Variants in TIAM1 observed in about 807,000 individuals in gnomAD.
The protein encoded by TIAM1 is rho guanine nucleotide exchange factor TIAM1.
A neutral mutation model predicts 163.5 loss-of-function variants in TIAM1; 65 were observed. The ratio of observed to expected loss-of-function variants is 0.40; its 90% CI spans 0.33 to 0.49. TIAM1 has a LOEUF of 0.49. Among genes scored for constraint, TIAM1 ranks in the 20% least tolerant of loss-of-function variants. The probability of loss-of-function intolerance (pLI) is 0.77; values close to 1 mark genes in which losing one functional copy is unlikely to be tolerated. For missense variants in TIAM1, 1,789 were observed against 2,044.7 expected, an observed-to-expected ratio of 0.87 and a Z score of 2.41; for synonymous variants, 833 against 810.1, an observed-to-expected ratio of 1.03 and a Z score of -0.48.
rs2087744164 is a variant in TIAM1 at position 31,223,430 on chromosome 21, A to G, written c.1971T>C (p.Phe657=). The part of the protein sequence containing the change: ...TKVAMGRLGI[F]SVSSFHALVA... ...CCAGGGCATGAAACGATGATACCGAAAAGATTCCAAGGCGGCCCATGGCCA... is the reference window on the plus strand; with the variant it reads ...CCAGGGCATGAAACGATGATACCGAGAAGATTCCAAGGCGGCCCATGGCCA... Residue 657 remains phenylalanine, a synonymous_variant, in exon 8 of 28, where the codon TTT becomes TTC. Coordinates refer to ENST00000541036, the MANE Select transcript of TIAM1 (RefSeq NM_001353694.2). 1 of 1,613,150 alleles carries G rather than the reference A, an allele frequency of 6.2e-7. No individual in the cohort carries two copies. Among genetic ancestry groups the G allele is most frequent in the South Asian group, 1.1e-5 (1 of 90,926 alleles).
At chr21:31,529,747 A>C (rs955367668) in intron 1 of TIAM1, among the ~76,000 whole-genome samples, 4 of 150,718 alleles carry the variant, frequency 2.7e-5, no homozygotes, top group Middle Eastern at 3.2e-3. Flanking sequence ...ATAAACTTAA[A>C]GTCCATGAAC....
At chr21:31,363,220 C>G (rs2076436653) in intron 2 of TIAM1, among the ~76,000 whole-genome samples, 1 of 152,122 alleles carries the variant, frequency 6.6e-6, no homozygotes, top group South Asian at 2.1e-4. Flanking sequence ...CTGAGAAGAA[C>G]TAATCTGATC....
intron 6 of TIAM1, among the ~76,000 whole-genome samples, chr21:31,230,015 C>T (rs960965442): frequency 4.6e-5 from 7 of 152,126 alleles, no homozygotes; most frequent in South Asian, 2.1e-4. Context: ...CAGAGGCGCA[C>T]GCAGCACTAA....
At chr21:31,124,434 C>A in intron 27 of TIAM1, 88 bp downstream of exon 27, 1 of 1,559,014 alleles carries the variant, frequency 6.4e-7, no homozygotes, top group African/African-American at 1.4e-5. Flanking sequence ...CACACCTCAC[C>A]CCCACTCAAC....
chr21:31,445,833 G>C (rs546192465), intron 2 of TIAM1, among the ~76,000 whole-genome samples: 21 of 152,326 alleles, frequency 1.4e-4, no homozygotes, highest in African/African-American at 4.8e-4. Flanking sequence ...CGCTAAAGGA[G>C]AGATTGGGGT....
chr21:31,439,248 A>G (rs949845314), intron 2 of TIAM1, among the ~76,000 whole-genome samples: 1 of 152,180 alleles, frequency 6.6e-6, no homozygotes, highest in African/African-American at 2.4e-5. Context: ...TTGAACCCAC[A>G]GAAGAATAAC....
At chr21:31,441,592 A>G (rs2044419830) in intron 2 of TIAM1, among the ~76,000 whole-genome samples, 1 of 152,180 alleles carries the variant, frequency 6.6e-6, no homozygotes, top group Non-Finnish European at 1.5e-5. Context: ...TGTGGACAAG[A>G]AATAACCTTT....
chr21:31,398,610 C>T (rs2077113189), intron 2 of TIAM1, among the ~76,000 whole-genome samples: 1 of 152,268 alleles, frequency 6.6e-6, no homozygotes, highest in South Asian at 2.1e-4. Flanking sequence ...TTGCCATCCT[C>T]ATAGCACAGT....
At chr21:31,183,566 C>G (rs2085134976) in intron 14 of TIAM1, among the ~76,000 whole-genome samples, 1 of 152,160 alleles carries the variant, frequency 6.6e-6, no homozygotes, top group South Asian at 2.1e-4. Context: ...GAACGAGAAG[C>G]CTCCCAGGCC....
In TIAM1 at chr21:31,141,166, C is replaced by A. The variant is rs756761259; in HGVS notation, c.3726G>T (p.Gly1242=). The A allele has an allele frequency of 1.2e-6, 2 of 1,614,086 alleles. No individual in the cohort carries two copies. The highest frequency in any genetic ancestry group is 1.3e-5 in the African/African-American group (1 of 74,932). The change falls in exon 22 of 28, where the codon GGG becomes GGT. Residue 1242 remains glycine (G), a synonymous_variant. Coordinates refer to ENST00000541036, the MANE Select transcript of TIAM1 (RefSeq NM_001353694.2). The surrounding 1 kb of genome is among the most constrained non-coding windows in gnomAD (Gnocchi z 4.7). ...CAGCAATCAGCTGGTCAAACACAGC[C>A]CCAAACTCTTCATGGATTTTCTGCA... ...NEMQKIHEEF[G]AVFDQLIAEQ...
intron 2 of TIAM1, among the ~76,000 whole-genome samples, chr21:31,303,793 C>A (rs2074591417): frequency 6.6e-6 from 1 of 151,954 alleles, no homozygotes; most frequent in Non-Finnish European, 1.5e-5. Context: ...GCCTAGCCAA[C>A]ATAGTGAAAC....
chr21:31,327,450 G>A (rs2075526763), intron 2 of TIAM1, among the ~76,000 whole-genome samples: 1 of 151,780 alleles, frequency 6.6e-6, no homozygotes, highest in Non-Finnish European at 1.5e-5. Context: ...GACCAATCTG[G>A]CCAACATAGC....
Position 31,245,371 on chromosome 21 carries a change from C to CT in TIAM1, c.1584+116dup, listed in dbSNP as rs200088492. Reference sequence around the variant, plus strand: ...AATGAGCAACAGATTAATCTCACCACTAAAAAAAAAAAAAAAAAAAAAAAA... The same window carrying CT: ...AATGAGCAACAGATTAATCTCACCACTTAAAAAAAAAAAAAAAAAAAAAAAA... On this transcript the variant is annotated intron_variant, in intron 6 of 27. Transcript: ENST00000541036. The CT allele has an allele frequency of 1.2e-3, 642 of 532,186 alleles. 37 individuals are homozygous for CT. The highest frequency in any genetic ancestry group is 5.3e-3 in the South Asian group (55 of 10,354). 33.0% of individuals were successfully genotyped at this position (532,186 alleles called of 1,614,324 possible). A position where few individuals can be genotyped will look rare whatever the true frequency, so the allele number is the denominator to read the frequency against.
At chr21:31,359,525 T>C (rs2076368175) in intron 2 of TIAM1, among the ~76,000 whole-genome samples, 1 of 152,156 alleles carries the variant, frequency 6.6e-6, no homozygotes, top group African/African-American at 2.4e-5. Context: ...CCGGGCATGG[T>C]GGCTCACGCT....
chr21:31,288,285 A>T (rs2073889935), intron 2 of TIAM1, among the ~76,000 whole-genome samples: 1 of 152,202 alleles, frequency 6.6e-6, no homozygotes, highest in Non-Finnish European at 1.5e-5. Flanking sequence ...CTGCCTTAGT[A>T]TGTTTGGGCT....
intron 16 of TIAM1, among the ~76,000 whole-genome samples, chr21:31,162,390 G>A (rs1280897862): frequency 6.6e-6 from 1 of 151,954 alleles, no homozygotes. Context: ...AGCTTTTTGC[G>A]TTCAAATACC....
At chr21:31,527,757 A>C (rs2147509380) in intron 1 of TIAM1, among the ~76,000 whole-genome samples, 1 of 152,218 alleles carries the variant, frequency 6.6e-6, no homozygotes, top group East Asian at 1.9e-4. Context: ...CACCAGTCCC[A>C]ACCCAATGCT....
chr21:31,238,071 A>G (rs1163086743), intron 6 of TIAM1, among the ~76,000 whole-genome samples: 2 of 152,190 alleles, frequency 1.3e-5, no homozygotes, highest in Non-Finnish European at 2.9e-5. Flanking sequence ...GGTAACATGA[A>G]TCTCCTTTCC....
intron 3 of TIAM1, among the ~76,000 whole-genome samples, chr21:31,269,840 T>A (rs760222869): frequency 6.6e-6 from 1 of 151,602 alleles, no homozygotes; most frequent in South Asian, 2.1e-4. Context: ...CCTGGCTAAT[T>A]TTTTGTATTT....
Sources: allele counts gnomAD v4.1 joint callset (sites outside exome capture counted in the v4.1 genomes callset), GRCh38; gene constraint gnomAD v4.1.1; non-coding constraint Gnocchi (gnomAD v3.1); transcripts MANE v1.5; gene names NCBI Gene and HGNC (gene_info 2026-07-23, HGNC 2026-07-21).